Variants in TSBP1 observed in about 807,000 individuals in gnomAD.
TSBP1 encodes the protein testis expressed basic protein 1, also known as testis-expressed basic protein 1.
TSBP1 carries 56 observed loss-of-function variants against 68.8 expected under a neutral mutation model. The observed-to-expected ratio is 0.81, with a 90% CI of 0.66 to 1.02. The LOEUF (loss-of-function observed/expected upper bound fraction) is 1.02, where lower values mean the gene tolerates loss of function less well. Among genes scored for constraint, TSBP1 ranks in the 50% least tolerant of loss-of-function variants. The probability of loss-of-function intolerance (pLI) is 0.00; values close to 1 mark genes in which losing one functional copy is unlikely to be tolerated. For synonymous variants in TSBP1, 171 were observed against 208.7 expected (o/e 0.82, Z 1.56); for missense variants, 502 against 641.2 (o/e 0.78, Z 2.34).
At chr6:32,300,043 G>GAT in intron 21 of TSBP1, 107 bp from the exon 25 acceptor site, 15 of 888,328 alleles carry the variant, frequency 1.7e-5, no homozygotes, top group Admixed American at 7.2e-5. Context: ...GGACTTGGAG[G>GAT]GAGCACAAAA....
intron 1 of TSBP1, 62 bp downstream of exon 1, chr6:32,371,632 C>T (rs777033453): frequency 9.7e-6 from 12 of 1,232,394 alleles, no homozygotes; most frequent in Non-Finnish European, 1.4e-5. Context: ...CCCTAAGTCC[C>T]TAAGAGGAGA....
At chr6:32,295,816 T>C (rs1209187583) in intron 22 of TSBP1, among the ~76,000 whole-genome samples, 1 of 151,162 alleles carries the variant, frequency 6.6e-6, no homozygotes, top group East Asian at 1.9e-4. Flanking sequence ...TTTACAGGAG[T>C]GGTTAATTGT....
chr6:32,345,058 G>A (rs145527376), intron 9 of TSBP1, among the ~76,000 whole-genome samples: 122 of 151,832 alleles, frequency 8.0e-4, no homozygotes, highest in Non-Finnish European at 5.3e-4. Context: ...GCCTCACTAT[G>A]TTGTCCAGGC....
chr6:32,356,312 T>C (rs1772324941), intron 6 of TSBP1, among the ~76,000 whole-genome samples: 2 of 152,222 alleles, frequency 1.3e-5, no homozygotes, highest in African/African-American at 4.8e-5. Context: ...GTATTTTTTT[T>C]TCAGCTTCTT....
At chr6:32,295,341 C>CAT (rs1363182583) in intron 22 of TSBP1, among the ~76,000 whole-genome samples, 1 of 74,946 alleles carries the variant, frequency 1.3e-5, no homozygotes, top group Non-Finnish European at 2.5e-5. Context: ...ATCTCACACA[C>CAT]ACACACACAA....
intron 8 of TSBP1, chr6:32,350,181 T>C (rs1444523220): frequency 8.4e-6 from 4 of 478,504 alleles, no homozygotes; most frequent in Non-Finnish European, 1.7e-5. Flanking sequence ...AAAAGATTTT[T>C]TGTTACACCA....
At chr6:32,362,270 C>CA (rs1773134475) in intron 6 of TSBP1, among the ~76,000 whole-genome samples, 1 of 133,586 alleles carries the variant, frequency 7.5e-6, no homozygotes, top group Non-Finnish European at 1.5e-5. Flanking sequence ...GCCTGGGCAA[C>CA]AGAGCCAGAC....
chr6:32,344,432 T>C (rs1770738702), intron 9 of TSBP1, among the ~76,000 whole-genome samples: 1 of 151,830 alleles, frequency 6.6e-6, no homozygotes, highest in African/African-American at 2.4e-5. Flanking sequence ...AAGGCTGACT[T>C]TCTAGAAATA....
At position 32,316,369 on chromosome 6, in the gene TSBP1, G is replaced by A; in HGVS notation, c.560-577C>T. 6.4e-7 allele frequency: 1 copy of A among 1,568,952 alleles called. No individual in the cohort carries two copies. The highest frequency in any genetic ancestry group is 8.7e-7 in the Non-Finnish European group (1 of 1,153,492). On this transcript the variant is annotated intron_variant, in intron 18 of 22. Coordinates refer to ENST00000612031, the Ensembl canonical transcript of TSBP1. The surrounding 1 kb of genome is among the most constrained non-coding windows in gnomAD (Gnocchi z 4.5). ...GTGAAGGGGACCAAAGAGAACCAAA[G>A]TAGAAAAAGACATGTAATACTTACT...
chr6:32,366,334 T>G, intron 4 of TSBP1, 32 bp from the exon 5 acceptor site: 1 of 1,574,458 alleles, frequency 6.4e-7, no homozygotes. Flanking sequence ...TAATGAGATT[T>G]TACTTCAACA....
chr6:32,300,569 A>C (rs1765181435), intron 21 of TSBP1, 111 bp downstream of exon 24: 2 of 866,660 alleles, frequency 2.3e-6, no homozygotes, highest in African/African-American at 3.4e-5. Flanking sequence ...TATTGAAGAA[A>C]TATTGACTGC....
chr6:32,352,130 G>A (rs1771782067), intron 8 of TSBP1, among the ~76,000 whole-genome samples: 1 of 151,758 alleles, frequency 6.6e-6, no homozygotes, highest in Admixed American at 6.6e-5. Flanking sequence ...ATTGTATTTG[G>A]GCAAGAAATA....
Position 32,343,713 on chromosome 6 carries a change from C to T in TSBP1, c.350-4075G>A, listed in dbSNP as rs1239087297. On this transcript the variant is annotated intron_variant, in intron 9 of 22. Transcript: ENST00000612031. The surrounding 1 kb of genome is among the most constrained non-coding windows in gnomAD (Gnocchi z 4.3). ...AAAAAATTAAAGGCAGTTTTAGCTT[C>T]CAGTTTGCTTGACTTTAAGTTCAGC... is the stretch of plus-strand genomic sequence containing the variant. Among the ~76,000 whole-genome samples, 10 of 152,174 alleles carry T rather than the reference C, an allele frequency of 6.6e-5. No homozygotes were observed. The highest frequency in any genetic ancestry group is 6.5e-4 in the Admixed American group (10 of 15,282).
At chr6:32,332,919 C>T (rs1769216685) in intron 14 of TSBP1, among the ~76,000 whole-genome samples, 1 of 151,868 alleles carries the variant, frequency 6.6e-6, no homozygotes. Context: ...CCAAAACCTT[C>T]AGTTTTTAAT....
intron 9 of TSBP1, among the ~76,000 whole-genome samples, chr6:32,348,896 T>C (rs1771369632): frequency 1.3e-5 from 2 of 152,232 alleles, no homozygotes; most frequent in Non-Finnish European, 2.9e-5. Flanking sequence ...AATTTATTAC[T>C]GTTTTGCTGA....
intron 22 of TSBP1, among the ~76,000 whole-genome samples, chr6:32,296,922 A>G (rs1275261717): frequency 6.6e-6 from 1 of 152,162 alleles, no homozygotes. Context: ...TTCTCCCACT[A>G]CACTGAAAAA....
intron 22 of TSBP1, among the ~76,000 whole-genome samples, chr6:32,295,178 A>G (rs987726711): frequency 2.0e-5 from 3 of 151,964 alleles, no homozygotes; most frequent in Non-Finnish European, 4.4e-5. Flanking sequence ...TCTACTAAAA[A>G]TACAAAAATT....
intron 21 of TSBP1, 112 bp from the exon 25 acceptor site, chr6:32,300,048 A>T (rs1765124905): frequency 1.2e-6 from 1 of 806,388 alleles, no homozygotes; most frequent in Non-Finnish European, 2.1e-6. Flanking sequence ...TGGAGGGAGC[A>T]CAAAACTCTG....
chr6:32,297,726 C>A (rs986700703), intron 22 of TSBP1, among the ~76,000 whole-genome samples: 3 of 152,122 alleles, frequency 2.0e-5, no homozygotes, highest in Non-Finnish European at 4.4e-5. Context: ...TTAAACCTTT[C>A]TTTGAACATT....
Sources: gnomAD v4.1 joint callset for allele counts (sites outside exome capture counted in the v4.1 genomes callset) on GRCh38, gnomAD v4.1.1 for gene constraint, Gnocchi (gnomAD v3.1) non-coding constraint, MANE v1.5 for transcripts, NCBI Gene and HGNC (gene_info 2026-07-23, HGNC 2026-07-21) for gene names.